The following CMIP variants were observed in gnomAD, a reference collection of about 807,000 sequenced individuals.
The protein encoded by CMIP is C-Maf-inducing protein.
CMIP carries 13 observed loss-of-function variants against 97.3 expected under a neutral mutation model. The observed-to-expected ratio is 0.13, with a 90% CI of 0.09 to 0.21. CMIP has a LOEUF of 0.21. CMIP is among the 10% of genes least tolerant of loss of function. The probability of loss-of-function intolerance (pLI) is 1.00; values close to 1 mark genes in which losing one functional copy is unlikely to be tolerated. For synonymous variants in CMIP, 538 were observed against 436.3 expected, an observed-to-expected ratio of 1.23 and a Z score of -2.91; for missense variants, 847 against 1,024.9, an observed-to-expected ratio of 0.83 and a Z score of 2.37.
chr16:81,484,426 A>G (rs1404115050), intron 1 of CMIP, among the ~76,000 whole-genome samples: 1 of 152,168 alleles, frequency 6.6e-6, no homozygotes, highest in Non-Finnish European at 1.5e-5. Context: ...CGAAGGGTAG[A>G]CGGGTTGGGC....
In CMIP at chr16:81,678,510, A is replaced by G. The variant is rs1294224420; in HGVS notation, c.1270A>G (p.Ser424Gly). ...PALTASAGNDSEPNLIDCLMV... is the reference protein window; with the variant it reads ...PALTASAGNDGEPNLIDCLMV... ...GCTGACGGCCAGCGCAGGCAACGAC[A>G]GCGAGCCCAACCTCATCGACTGCCT... The change falls in exon 10 of 21, where the codon AGC (serine) becomes GGC (glycine). Residue 424 changes from serine (S) to glycine (G), a missense_variant. Transcript: ENST00000537098. 2.5e-6 allele frequency: 4 copies of G among 1,602,556 alleles called. No individual in the cohort carries two copies. The highest frequency in any genetic ancestry group is 8.5e-7 in the Non-Finnish European group (1 of 1,175,392).
chr16:81,565,561 G>A (rs879788919), intron 1 of CMIP, among the ~76,000 whole-genome samples: 10 of 152,196 alleles, frequency 6.6e-5, no homozygotes, highest in Non-Finnish European at 1.0e-4. Flanking sequence ...ACCCATATCG[G>A]TGGGCTCAGG....
rs577171819 is a variant in CMIP at position 81,545,999 on chromosome 16, C to T, written c.301-61568C>T. ...TACATCAGAAGGAAGTGGGACGGGG[C>T]GGTGGGTGGGGAAAACGCAAATGGC... On this transcript the variant is annotated intron_variant, in intron 1 of 20. Transcript: ENST00000537098. Among the ~76,000 whole-genome samples, 4 of 152,154 alleles carry T rather than the reference C, an allele frequency of 2.6e-5. No individual in the cohort carries two copies. In the East Asian group the frequency reaches 5.8e-4, roughly 22 times the overall value.
intron 3 of CMIP, among the ~76,000 whole-genome samples, chr16:81,629,134 T>TAAAAAAAAAAA (rs10533097): frequency 2.2e-5 from 1 of 45,684 alleles, no homozygotes; most frequent in African/African-American, 7.4e-5. Context: ...AAACTGTGCT[T>TAAAAAAAAAAA]AAAAAAAAAA....
chr16:81,703,063 C>G (rs545915339), intron 17 of CMIP, among the ~76,000 whole-genome samples: 2 of 152,074 alleles, frequency 1.3e-5, no homozygotes, highest in African/African-American at 4.8e-5. Flanking sequence ...GGTCTTATTT[C>G]CTTCTATTCT....
chr16:81,459,312 A>C (rs557327499), intron 1 of CMIP, among the ~76,000 whole-genome samples: 1 of 152,128 alleles, frequency 6.6e-6, no homozygotes, highest in Non-Finnish European at 1.5e-5. Flanking sequence ...GTGACCTTGG[A>C]GTCAAGGGAA....
intron 1 of CMIP, among the ~76,000 whole-genome samples, chr16:81,510,535 A>G (rs569333135): frequency 3.9e-4 from 59 of 152,304 alleles, no homozygotes; most frequent in African/African-American, 1.3e-3. Flanking sequence ...GGACATGCAC[A>G]AAGTCACACA....
chr16:81,701,584 G>GC, intron 15 of CMIP, 76 bp from the exon 16 acceptor site: 1 of 1,600,180 alleles, frequency 6.2e-7, no homozygotes, highest in African/African-American at 1.3e-5. Context: ...TCAAAACAAG[G>GC]CCCTTGGGGT....
chr16:81,550,791 C>T (rs1022686239), intron 1 of CMIP, among the ~76,000 whole-genome samples: 66 of 152,124 alleles, frequency 4.3e-4, no homozygotes, highest in African/African-American at 1.5e-3. Flanking sequence ...CTCCTTACAC[C>T]CAGGAGAGGA....
At position 81,710,667 on chromosome 16, in the gene CMIP, A is replaced by G. The variant is rs1324945873; in HGVS notation, c.*868A>G. ...CCACCACTGTGCGTTTCTGATTTCC[A>G]AATGTCTCCAACTCCCTCACGAGGT... On this transcript the variant is annotated 3_prime_UTR_variant, in exon 21 of 21. Transcript: ENST00000537098. 1 of 151,978 alleles carries G rather than the reference A, an allele frequency of 6.6e-6. No homozygotes were observed. The highest frequency in any genetic ancestry group is 1.5e-5 in the Non-Finnish European group (1 of 67,974). The allele number at this position is 151,978 out of a possible 1,614,324, so 9.4% of individuals were successfully genotyped here. A position where few individuals can be genotyped will look rare whatever the true frequency, so the allele number is the denominator to read the frequency against.
chr16:81,532,949 C>G (rs78619533), intron 1 of CMIP, among the ~76,000 whole-genome samples: 2 of 152,226 alleles, frequency 1.3e-5, no homozygotes, highest in African/African-American at 4.8e-5. Flanking sequence ...TGCCTCGAGG[C>G]CTTTGCCCTG....
chr16:81,560,797 T>C (rs1234297504), intron 1 of CMIP, among the ~76,000 whole-genome samples: 1 of 152,254 alleles, frequency 6.6e-6, no homozygotes, highest in African/African-American at 2.4e-5. Context: ...ACCTACAGTA[T>C]TCAGGACAAT....
intron 3 of CMIP, among the ~76,000 whole-genome samples, chr16:81,637,935 T>C (rs1597177690): frequency 6.6e-6 from 1 of 151,660 alleles, no homozygotes; most frequent in African/African-American, 2.4e-5. Context: ...GTGAGGGAGC[T>C]CCCCCAAGCC....
intron 3 of CMIP, among the ~76,000 whole-genome samples, chr16:81,624,779 G>T (rs192344718): frequency 3.3e-5 from 5 of 152,210 alleles, no homozygotes; most frequent in African/African-American, 1.2e-4. Flanking sequence ...TAACAGGGTC[G>T]ATTGACAACC....
intron 1 of CMIP, among the ~76,000 whole-genome samples, chr16:81,499,323 T>C (rs1391181977): frequency 1.3e-5 from 2 of 152,146 alleles, no homozygotes; most frequent in African/African-American, 4.8e-5. Flanking sequence ...CACACATACT[T>C]GTCTCTGCAC....
chr16:81,570,898 C>T (rs1216573854), intron 1 of CMIP, among the ~76,000 whole-genome samples: 2 of 152,104 alleles, frequency 1.3e-5, no homozygotes, highest in African/African-American at 2.4e-5. Context: ...ATGATCACAG[C>T]CCAGAGGAGC....
intron 1 of CMIP, among the ~76,000 whole-genome samples, chr16:81,601,496 G>A (rs1245103831): frequency 6.6e-6 from 1 of 152,132 alleles, no homozygotes; most frequent in Non-Finnish European, 1.5e-5. Context: ...TGCCAGTTCT[G>A]AAGATCTCTG....
chr16:81,610,731 C>G (rs2091817777), intron 2 of CMIP, among the ~76,000 whole-genome samples: 1 of 152,110 alleles, frequency 6.6e-6, no homozygotes, highest in Non-Finnish European at 1.5e-5. Flanking sequence ...CTGTGTGGTT[C>G]TAGGGAGGCT....
chr16:81,643,147 G>A (rs1041168346), intron 3 of CMIP, among the ~76,000 whole-genome samples: 7 of 152,226 alleles, frequency 4.6e-5, no homozygotes, highest in East Asian at 1.9e-4. Context: ...CCTCTCCTCT[G>A]TAACACGTCC....
Sources: allele counts gnomAD v4.1 joint callset (sites outside exome capture counted in the v4.1 genomes callset), GRCh38; gene constraint gnomAD v4.1.1; transcripts MANE v1.5; gene names NCBI Gene and HGNC (gene_info 2026-07-23, HGNC 2026-07-21).